ABCC1: variants seen among roughly 807,000 people sequenced by gnomAD.
ABCC1 encodes the protein ATP binding cassette subfamily C member 1 (ABCC1 blood group), also known as multidrug resistance-associated protein 1.
Under a neutral mutation model 172.9 loss-of-function variants are expected in ABCC1, and 83 were observed. That is an observed-to-expected ratio of 0.48 (90% confidence interval 0.40 to 0.58). The LOEUF is 0.58. Ranked by LOEUF, ABCC1 falls within the 20% of genes least tolerant of loss-of-function variation. ABCC1 has a pLI of 0.00. For synonymous variants in ABCC1, 937 were observed against 825.2 expected (o/e 1.14, Z -2.32); for missense variants, 1,817 against 2,002.7 (o/e 0.91, Z 1.77).
intron 1 of ABCC1, among the ~76,000 whole-genome samples, chr16:16,002,519 TC>T (rs2047350385): frequency 6.6e-6 from 1 of 152,190 alleles, no homozygotes; most frequent in South Asian, 2.1e-4. Flanking sequence ...ACACCTGTGA[TC>T]CCAGCACTTT....
rs939600264 is a variant in ABCC1 at position 16,017,201 on chromosome 16, A to C, written c.615+580A>C. 2.8e-4 allele frequency among the ~76,000 whole-genome samples: 43 copies of C among 152,262 alleles called. 1 individual carries two copies. Among genetic ancestry groups the C allele is most frequent in the Admixed American group, 1.0e-3 (16 of 15,276 alleles). ...GGCCACCGTTTCTGCTAGTAGAACA[A>C]AAGGGAACACTTTATTAATTTCCCT... is the stretch of plus-strand genomic sequence containing the variant. On this transcript the variant is annotated intron_variant, in intron 5 of 30. Transcript: ENST00000399410.
chr16:16,086,450 C>T (rs893426179), intron 17 of ABCC1, among the ~76,000 whole-genome samples: 1 of 151,992 alleles, frequency 6.6e-6, no homozygotes, highest in Non-Finnish European at 1.5e-5. Context: ...AGGCTCTATG[C>T]CTTTCTTTCT....
At chr16:16,139,611 C>CAAAAAAAAAAAAAA (rs386384360) in intron 30 of ABCC1, among the ~76,000 whole-genome samples, 1 of 57,332 alleles carries the variant, frequency 1.7e-5, no homozygotes, top group Non-Finnish European at 2.9e-5. Flanking sequence ...GACTCCATCT[C>CAAAAAAAAAAAAAA]AAAAAAAAAA....
intron 1 of ABCC1, among the ~76,000 whole-genome samples, chr16:15,997,899 C>T (rs1036146767): frequency 6.7e-6 from 1 of 149,818 alleles, no homozygotes; most frequent in Non-Finnish European, 1.5e-5. Context: ...CTGCAACCTC[C>T]ACCTCCTGGG....
At chr16:15,957,016 T>C (rs2046012706) in intron 1 of ABCC1, among the ~76,000 whole-genome samples, 1 of 152,128 alleles carries the variant, frequency 6.6e-6, no homozygotes, top group African/African-American at 2.4e-5. Flanking sequence ...AATAATCACT[T>C]AACTGTCTGG....
chr16:16,035,949 T>C (rs1229645414), intron 6 of ABCC1, among the ~76,000 whole-genome samples: 1 of 151,222 alleles, frequency 6.6e-6, no homozygotes, highest in Non-Finnish European at 1.5e-5. Flanking sequence ...CTCTTGTCTC[T>C]ACAAAAATAA....
chr16:16,052,561 T>G (rs1408012563), intron 10 of ABCC1, among the ~76,000 whole-genome samples, 163 bp from the exon 11 acceptor site: 1 of 152,186 alleles, frequency 6.6e-6, no homozygotes, highest in East Asian at 1.9e-4. Context: ...TGCTCAGGAA[T>G]GAAACCACAG....
chr16:16,019,501 G>T (rs1024537224), intron 5 of ABCC1, among the ~76,000 whole-genome samples: 6 of 152,156 alleles, frequency 3.9e-5, no homozygotes, highest in African/African-American at 1.4e-4. Flanking sequence ...AGTCTGGTTG[G>T]GGCTGCCTGG....
At chr16:16,007,073 A>G (rs2047568141) in intron 1 of ABCC1, among the ~76,000 whole-genome samples, 1 of 152,102 alleles carries the variant, frequency 6.6e-6, no homozygotes, top group South Asian at 2.1e-4. Context: ...ATAAGAGAAT[A>G]TCCTTCAGGG....
intron 11 of ABCC1, among the ~76,000 whole-genome samples, chr16:16,055,455 T>C (rs759843692): frequency 1.3e-5 from 2 of 150,940 alleles, no homozygotes; most frequent in African/African-American, 2.4e-5. Flanking sequence ...GAGGCTGAGG[T>C]AGGAGAATCT....
rs557443125 is a variant in ABCC1, at chr16:16,015,869, A to G, written c.490-627A>G. On this transcript the variant is annotated intron_variant, in intron 4 of 30. Coordinates refer to ENST00000399410, the MANE Select transcript of ABCC1 (RefSeq NM_004996.4). ...GGAGGCAGAATCACCCCTGGTTAAG[A>G]ACCACCGGTGGTTTATAGGTGGGGA... Among the ~76,000 whole-genome samples, 10 of 152,210 alleles carry G rather than the reference A, an allele frequency of 6.6e-5. No individual in the cohort carries two copies. The South Asian group carries it at 2.1e-3, about 32-fold the overall frequency.
intron 1 of ABCC1, among the ~76,000 whole-genome samples, chr16:15,966,098 C>T (rs1054083619): frequency 6.6e-6 from 1 of 151,950 alleles, no homozygotes; most frequent in Non-Finnish European, 1.5e-5. Flanking sequence ...GGTTATTATT[C>T]AGAGTGGACG....
chr16:16,072,872 T>G (rs996116766), intron 14 of ABCC1, among the ~76,000 whole-genome samples: 1 of 151,288 alleles, frequency 6.6e-6, no homozygotes, highest in African/African-American at 2.4e-5. Context: ...TGAAACCCCG[T>G]CTCTACTGAA....
chr16:16,132,520 T>TG (rs1567441475), intron 27 of ABCC1, among the ~76,000 whole-genome samples: 72 of 86,698 alleles, frequency 8.3e-4, no homozygotes, highest in Non-Finnish European at 9.6e-4. Flanking sequence ...GTTTTTTTTT[T>TG]TTTTTTTTTT....
chr16:15,968,430 C>T (rs1392375152), intron 1 of ABCC1, among the ~76,000 whole-genome samples: 1 of 151,716 alleles, frequency 6.6e-6, no homozygotes, highest in African/African-American at 2.4e-5. Flanking sequence ...TTTTTTGAGA[C>T]AGAGTCTTGC....
At chr16:16,054,081 TCTC>T (rs1043609357) in intron 11 of ABCC1, among the ~76,000 whole-genome samples, 1 of 151,870 alleles carries the variant, frequency 6.6e-6, no homozygotes, top group Non-Finnish European at 1.5e-5. Flanking sequence ...TTCAAGTAGT[TCTC>T]CTGCCTCAGC....
In ABCC1 at chr16:16,090,561, G is replaced by A. The variant is rs1215388475; in HGVS notation, c.2617G>A (p.Glu873Lys). ...GTTCCTGCGTACCTATGCCAGCACA[G>A]AGCAGGAGCAGGATGCAGAGGAGAA... ...AEFLRTYAST[E>K]QEQDAEENGV... The change falls in exon 19 of 31, where the codon GAG becomes AAG. Residue 873 changes from glutamate (E) to lysine (K), a missense_variant. Glu to Lys is a moderately conservative substitution (Grantham distance 56). Coordinates refer to ENST00000399410, the MANE Select transcript of ABCC1 (RefSeq NM_004996.4). 6.2e-7 allele frequency: 1 copy of A among 1,608,980 alleles called. No individual in the cohort carries two copies. The highest frequency in any genetic ancestry group is 8.5e-7 in the Non-Finnish European group (1 of 1,176,630).
chr16:16,050,689 TTGAGACCAGCCTGGGCAACATAG>T, intron 10 of ABCC1, among the ~76,000 whole-genome samples: 1 of 148,818 alleles, frequency 6.7e-6, no homozygotes, highest in African/African-American at 2.5e-5. Context: ...AGCCAGGAGT[TTGAGACCAGCCTGGGCAACATAG>T]TGAGACCCTG....
At chr16:15,985,243 G>A (rs917237915) in intron 1 of ABCC1, among the ~76,000 whole-genome samples, 4 of 152,182 alleles carry the variant, frequency 2.6e-5, no homozygotes, top group African/African-American at 9.7e-5. Context: ...ATTTCAGAAA[G>A]GCATTAGAAA....
Sources: allele counts gnomAD v4.1 joint callset (sites outside exome capture counted in the v4.1 genomes callset), GRCh38; gene constraint gnomAD v4.1.1; transcripts MANE v1.5; gene names NCBI Gene and HGNC (gene_info 2026-07-23, HGNC 2026-07-21).